The following DUSP16 variants were observed in gnomAD, a reference collection of about 807,000 sequenced individuals.
DUSP16 encodes the protein dual specificity phosphatase 16.
A neutral mutation model predicts 58.3 loss-of-function variants in DUSP16; 21 were observed. The ratio of observed to expected loss-of-function variants is 0.36; its 90% CI spans 0.26 to 0.52. The LOEUF is 0.52. Ranked by LOEUF, DUSP16 falls within the 20% of genes least tolerant of loss-of-function variation. The pLI, the probability that DUSP16 is intolerant of heterozygous loss-of-function variation, is 0.94. For missense variants in DUSP16, 726 were observed against 819.0 expected, an observed-to-expected ratio of 0.89 and a Z score of 1.39; for synonymous variants, 320 against 323.8, an observed-to-expected ratio of 0.99 and a Z score of 0.12.
At chr12:12,495,574 T>C (rs1356928162) in intron 4 of DUSP16, among the ~76,000 whole-genome samples, 2 of 152,244 alleles carry the variant, frequency 1.3e-5, no homozygotes, top group Non-Finnish European at 2.9e-5. Flanking sequence ...ATGAGTTCTA[T>C]GATCCTTTGA....
In DUSP16 at chr12:12,521,429, C is replaced by A; in HGVS notation, c.-331G>T. On this transcript the variant is annotated 5_prime_UTR_variant, in exon 2 of 7. Transcript: ENST00000298573. ...CATTACATCATTCTTTACCTTTGCT[C>A]CCGCGCTCCAACAGCTTTACACTGG... 1 of 1,166,716 alleles carries A rather than the reference C, an allele frequency of 8.6e-7. No homozygotes were observed. The highest frequency in any genetic ancestry group is 1.1e-6 in the Non-Finnish European group (1 of 938,670). The allele number at this position is 1,166,716 out of a possible 1,614,324, so 72.3% of individuals were successfully genotyped here.
rs1943444026 is a variant in DUSP16 at position 12,476,678 on chromosome 12, G to A, written c.*155C>T. 6 of 628,280 alleles carry A rather than the reference G, an allele frequency of 9.5e-6. No individual in the cohort carries two copies. Among genetic ancestry groups the A allele is most frequent in the Non-Finnish European group, 1.6e-5 (6 of 373,506 alleles). The allele number at this position is 628,280 out of a possible 1,614,324, so 38.9% of individuals were successfully genotyped here. A position where few individuals can be genotyped will look rare whatever the true frequency, so the allele number is the denominator to read the frequency against. ...TCTCTCAAATGCAGATGTTAAGAGA[G>A]TAACAACTGGGTTGATCCACCTGTT... On this transcript the variant is annotated 3_prime_UTR_variant, in exon 7 of 7. Coordinates refer to ENST00000298573, the MANE Select transcript of DUSP16 (RefSeq NM_030640.3).
intron 3 of DUSP16, among the ~76,000 whole-genome samples, chr12:12,507,137 A>G (rs1429634583): frequency 6.6e-6 from 1 of 152,232 alleles, no homozygotes; most frequent in Non-Finnish European, 1.5e-5. Flanking sequence ...CCTCTCACCC[A>G]TGCAATCAGT....
At chr12:12,510,079 T>C (rs990511181) in intron 3 of DUSP16, among the ~76,000 whole-genome samples, 2 of 152,154 alleles carry the variant, frequency 1.3e-5, no homozygotes, top group Non-Finnish European at 2.9e-5. Context: ...GAAAATTTTT[T>C]CTGATGCCCC....
At chr12:12,525,761 C>CA (rs1555167612) in intron 1 of DUSP16, among the ~76,000 whole-genome samples, 1 of 147,176 alleles carries the variant, frequency 6.8e-6, no homozygotes, top group African/African-American at 2.5e-5. Context: ...CACACACACA[C>CA]AATTTTCCCC....
chr12:12,551,008 G>A (rs1205800651), intron 1 of DUSP16, among the ~76,000 whole-genome samples: 1 of 151,960 alleles, frequency 6.6e-6, no homozygotes, highest in Non-Finnish European at 1.5e-5. Flanking sequence ...TGATGAAATA[G>A]GAAGCACACA....
At position 12,507,650 on chromosome 12, in the gene DUSP16, C is replaced by A. The variant is rs567044577; in HGVS notation, c.368-6968G>T. Among the ~76,000 whole-genome samples, 184 of 152,312 alleles carry A rather than the reference C, an allele frequency of 1.2e-3. 4 individuals are homozygous for A. In the South Asian group the frequency reaches 0.036, roughly 30 times the overall value. ...TGGAGATGGAGTTTCACTCTTGTTG[C>A]CCAGGCTGGAGTGCAATGGTGCGAT... On this transcript the variant is annotated intron_variant, in intron 3 of 6. Transcript: ENST00000298573.
At chr12:12,515,081 A>C (rs1944128120) in intron 3 of DUSP16, among the ~76,000 whole-genome samples, 1 of 149,972 alleles carries the variant, frequency 6.7e-6, no homozygotes, top group Admixed American at 6.7e-5. Flanking sequence ...TTTATTAAAA[A>C]GAAAAAATAT....
In DUSP16 at chr12:12,487,199, AAG is replaced by A. The variant is rs759429854; in HGVS notation, c.532-14_532-13del. On this transcript the variant is annotated splice_polypyrimidine_tract_variant and intron_variant, in intron 4 of 6. Coordinates refer to ENST00000298573, the MANE Select transcript of DUSP16 (RefSeq NM_030640.3). Reference sequence around the variant, plus strand: ...TGCTGCATCAGCTCCTATGGAGAGAAAGAGTAGCAGTTAAAGTGACTAATAAT... The same window carrying A: ...TGCTGCATCAGCTCCTATGGAGAGAAAGTAGCAGTTAAAGTGACTAATAAT... The A allele has an allele frequency of 1.2e-6, 2 of 1,612,450 alleles. No homozygotes were observed. Among genetic ancestry groups the A allele is most frequent in the East Asian group, 2.2e-5 (1 of 44,850 alleles).
rs1477483451 is a variant in DUSP16 at position 12,477,920 on chromosome 12, G to A, written c.911C>T (p.Ala304Val). Residue 304 changes from alanine (A) to valine (V), a missense_variant, in exon 7 of 7, where the codon GCA becomes GTA. Transcript: ENST00000298573. The surrounding 1 kb of genome is among the most constrained non-coding windows in gnomAD (Gnocchi z 4.1). ...YEKKIKNQTGASGPKSKLKLL... is the reference protein window; with the variant it reads ...YEKKIKNQTGVSGPKSKLKLL... ...CTTGAGTTTGCTCTTTGGCCCTGAT[G>A]CTCCAGTCTGGTTCTTAATCTTCTT... 1 of 1,614,166 alleles carries A rather than the reference G, an allele frequency of 6.2e-7. No individual in the cohort carries two copies. Among genetic ancestry groups the A allele is most frequent in the Admixed American group, 1.7e-5 (1 of 60,022 alleles).
At chr12:12,527,915 T>A (rs1477085817) in intron 1 of DUSP16, among the ~76,000 whole-genome samples, 1 of 152,164 alleles carries the variant, frequency 6.6e-6, no homozygotes, top group African/African-American at 2.4e-5. Flanking sequence ...GACCCACAGA[T>A]AAAGGCTGGA....
chr12:12,558,359 A>G (rs1432237388), intron 1 of DUSP16, among the ~76,000 whole-genome samples: 1 of 151,410 alleles, frequency 6.6e-6, no homozygotes, highest in African/African-American at 2.4e-5. Flanking sequence ...AATTTACCCT[A>G]TCAATCACTA....
chr12:12,513,630 T>C (rs965691928), intron 3 of DUSP16, among the ~76,000 whole-genome samples: 4 of 152,214 alleles, frequency 2.6e-5, no homozygotes, highest in Non-Finnish European at 5.9e-5. Context: ...GTAGGGTTAT[T>C]CTGTGCTGCA....
At chr12:12,559,003 G>A (rs1274969406) in intron 1 of DUSP16, among the ~76,000 whole-genome samples, 1 of 152,082 alleles carries the variant, frequency 6.6e-6, no homozygotes, top group African/African-American at 2.4e-5. Context: ...ATCCATTTGT[G>A]TAGAAGAACC....
chr12:12,562,413 A>T lies in DUSP16; in HGVS notation c.-662T>A, dbSNP rs1944921008. 1 of 150,934 alleles carries T rather than the reference A, an allele frequency of 6.6e-6. No homozygotes were observed. The highest frequency in any genetic ancestry group is 6.6e-5 in the Admixed American group (1 of 15,198). 9.3% of individuals were successfully genotyped at this position (150,934 alleles called of 1,614,324 possible). A position where few individuals can be genotyped will look rare whatever the true frequency, so the allele number is the denominator to read the frequency against. ...TCCCCCCCATCAGCCTTCAAAAAAA[A>T]TGTCGAAAGAGATGAAGAACTTAGG... is the stretch of plus-strand genomic sequence containing the variant. On this transcript the variant is annotated 5_prime_UTR_variant, in exon 1 of 7. Coordinates refer to ENST00000298573, the MANE Select transcript of DUSP16 (RefSeq NM_030640.3).
intron 6 of DUSP16, among the ~76,000 whole-genome samples, chr12:12,480,004 G>A (rs1273435818): frequency 6.6e-6 from 1 of 152,216 alleles, no homozygotes; most frequent in Non-Finnish European, 1.5e-5. Flanking sequence ...AAAAGTGGCT[G>A]AGGATGAGTC....
intron 5 of DUSP16, among the ~76,000 whole-genome samples, 172 bp downstream of exon 5, chr12:12,486,856 C>G (rs979508175): frequency 1.3e-5 from 2 of 152,206 alleles, no homozygotes; most frequent in Non-Finnish European, 2.9e-5. Context: ...CAGTGTGACA[C>G]ACACGTCACC....
intron 5 of DUSP16, among the ~76,000 whole-genome samples, chr12:12,483,303 A>G (rs145722692): frequency 6.6e-6 from 1 of 152,352 alleles, no homozygotes; most frequent in East Asian, 1.9e-4. Context: ...TAAAATACTT[A>G]TTAACAGCCA....
chr12:12,558,867 A>T (rs1472272009), intron 1 of DUSP16, among the ~76,000 whole-genome samples: 1 of 151,890 alleles, frequency 6.6e-6, no homozygotes, highest in African/African-American at 2.4e-5. Flanking sequence ...TTCCTTACTG[A>T]TCATACTCCT....
Sources: allele counts gnomAD v4.1 joint callset (sites outside exome capture counted in the v4.1 genomes callset), GRCh38; gene constraint gnomAD v4.1.1; non-coding constraint Gnocchi (gnomAD v3.1); transcripts MANE v1.5; gene names NCBI Gene and HGNC (gene_info 2026-07-23, HGNC 2026-07-21).